NAT1: variants seen among roughly 807,000 people sequenced by gnomAD.
The protein encoded by NAT1 is N-acetyltransferase 1.
For missense variants in NAT1, 400 were observed against 339.2 expected, an observed-to-expected ratio of 1.18 and a Z score of -1.41; for synonymous variants, 144 against 122.6, an observed-to-expected ratio of 1.17 and a Z score of -1.16.
chr8:18,176,147 A>T (rs150663904), intron 2 of NAT1, among the ~76,000 whole-genome samples: 1 of 152,092 alleles, frequency 6.6e-6, no homozygotes, highest in Non-Finnish European at 1.5e-5. Flanking sequence ...TTTTCTCCCC[A>T]TCCGTGGGTG....
chr8:18,203,185 C>T (rs1412535569), intron 2 of NAT1, among the ~76,000 whole-genome samples: 2 of 152,160 alleles, frequency 1.3e-5, no homozygotes, highest in African/African-American at 4.8e-5. Context: ...TATGTATGTA[C>T]ATTTCACTAC....
chr8:18,209,225 G>C (rs532813344), upstream of NAT1, among the ~76,000 whole-genome samples: 1 of 152,336 alleles, frequency 6.6e-6, no homozygotes, highest in South Asian at 2.1e-4. Context: ...GACATGCCAA[G>C]AGAAAGCCTT....
upstream of NAT1, among the ~76,000 whole-genome samples, chr8:18,207,540 G>T (rs1803777329): frequency 6.6e-6 from 1 of 152,150 alleles, no homozygotes; most frequent in African/African-American, 2.4e-5. Flanking sequence ...GATCATTAGA[G>T]AAATGCAAGT....
chr8:18,189,993 T>G (rs1201227514), intron 2 of NAT1, among the ~76,000 whole-genome samples: 1 of 152,170 alleles, frequency 6.6e-6, no homozygotes, highest in Admixed American at 6.5e-5. Context: ...TTTCACCATG[T>G]TCGCCAGGCT....
At chr8:18,188,802 C>G (rs149390313) in intron 2 of NAT1, among the ~76,000 whole-genome samples, 2,268 of 151,570 alleles carry the variant, frequency 0.015, 57 homozygotes, top group African/African-American at 0.052. Flanking sequence ...CAAGACCAGC[C>G]TGGCCAACAT....
At chr8:18,187,038 C>T (rs377641851) in intron 2 of NAT1, among the ~76,000 whole-genome samples, 3 of 152,210 alleles carry the variant, frequency 2.0e-5, no homozygotes, top group South Asian at 2.1e-4. Context: ...TACTTAAACA[C>T]CTGTATTCCC....
At chr8:18,209,079 G>T (rs1170728469), upstream of NAT1, among the ~76,000 whole-genome samples, 1 of 152,174 alleles carries the variant, frequency 6.6e-6, no homozygotes, top group Non-Finnish European at 1.5e-5. Context: ...ACACCAGGAG[G>T]CAGTGTTATA....
At chr8:18,198,851 T>A (rs7817279) in intron 2 of NAT1, among the ~76,000 whole-genome samples, 1,648 of 152,288 alleles carry the variant, frequency 0.011, 34 homozygotes, top group African/African-American at 0.037. Context: ...GCAGCAGATG[T>A]GAAAGTAAAA....
intron 2 of NAT1, among the ~76,000 whole-genome samples, chr8:18,203,725 C>A (rs1027317432): frequency 6.6e-6 from 1 of 152,158 alleles, no homozygotes; most frequent in Non-Finnish European, 1.5e-5. Flanking sequence ...CCCTTTATAG[C>A]CGTCCTTGTG....
chr8:18,205,902 TG>T (rs897834572), upstream of NAT1, among the ~76,000 whole-genome samples: 4 of 152,180 alleles, frequency 2.6e-5, no homozygotes, highest in Non-Finnish European at 5.9e-5. Flanking sequence ...CAGGTTGGAC[TG>T]GCCCTATTTG....
At chr8:18,188,958 G>T (rs1287702337) in intron 2 of NAT1, among the ~76,000 whole-genome samples, 1 of 123,254 alleles carries the variant, frequency 8.1e-6, no homozygotes, top group South Asian at 2.6e-4. Flanking sequence ...TTGTCCCACT[G>T]CACTCCAGCC....
chr8:18,186,811 C>T (rs1487629724), intron 2 of NAT1, among the ~76,000 whole-genome samples: 1 of 152,082 alleles, frequency 6.6e-6, no homozygotes, highest in Non-Finnish European at 1.5e-5. Flanking sequence ...ACTAATTAAT[C>T]TAAAGAGCTT....
upstream of NAT1, among the ~76,000 whole-genome samples, chr8:18,209,365 A>T (rs1414470250): frequency 6.6e-6 from 1 of 152,274 alleles, no homozygotes; most frequent in Non-Finnish European, 1.5e-5. Context: ...TAAATGTTTG[A>T]AGTGATAGAT....
At chr8:18,180,864 G>C (rs1267725604) in intron 2 of NAT1, among the ~76,000 whole-genome samples, 1 of 152,124 alleles carries the variant, frequency 6.6e-6, no homozygotes, top group African/African-American at 2.4e-5. Context: ...ATTAGTCTGT[G>C]TGTCTGTTCT....
At chr8:18,173,720 A>C (rs1802184725) in intron 2 of NAT1, among the ~76,000 whole-genome samples, 1 of 152,080 alleles carries the variant, frequency 6.6e-6, no homozygotes, top group Admixed American at 6.6e-5. Flanking sequence ...TACCTCATAG[A>C]TTTGTTGTGA....
intron 1 of NAT1, chr8:18,211,261 G>C (rs1435462729): frequency 6.6e-6 from 1 of 152,352 alleles, no homozygotes; most frequent in East Asian, 1.9e-4. Flanking sequence ...GGCCTAGACA[G>C]ACAGCCCCAG....
intron 2 of NAT1, among the ~76,000 whole-genome samples, chr8:18,172,262 T>C (rs1329126778): frequency 6.6e-6 from 1 of 152,168 alleles, no homozygotes. Flanking sequence ...ATAGAAACTT[T>C]TAAGCTCCAC....
chr8:18,187,936 AACACACACACACACAC>A (rs35203470), intron 2 of NAT1, among the ~76,000 whole-genome samples: 51 of 137,394 alleles, frequency 3.7e-4, no homozygotes, highest in African/African-American at 1.3e-3. Context: ...TTGTATCTTA[AACACACACACACACAC>A]ACACACACAC....
At chr8:18,171,179 C>A (rs17593982) in intron 2 of NAT1, among the ~76,000 whole-genome samples, 1 of 152,118 alleles carries the variant, frequency 6.6e-6, no homozygotes, top group Admixed American at 6.5e-5. Context: ...CTCAACTGGG[C>A]TCTGTAGATA....
Sources: gnomAD v4.1 joint callset for allele counts (sites outside exome capture counted in the v4.1 genomes callset) on GRCh38, gnomAD v4.1.1 for gene constraint, MANE v1.5 for transcripts, NCBI Gene and HGNC (gene_info 2026-07-23, HGNC 2026-07-21) for gene names.